KIRREL3: variants seen among roughly 807,000 people sequenced by gnomAD.
The protein encoded by KIRREL3 is kin of IRRE-like protein 3.
In KIRREL3, 36 loss-of-function variants were observed where a neutral mutation model predicts 89.7. That is an observed-to-expected ratio of 0.40 (90% CI 0.31 to 0.53). The LOEUF is 0.53. Ranked by LOEUF, KIRREL3 falls within the 20% of genes least tolerant of loss-of-function variation. The probability of loss-of-function intolerance (pLI) is 0.49; values close to 1 mark genes in which losing one functional copy is unlikely to be tolerated. For missense variants in KIRREL3, 864 were observed against 1,056.6 expected (o/e 0.82, Z 2.53); for synonymous variants, 445 against 441.4 (o/e 1.01, Z -0.10).
intron 1 of KIRREL3, among the ~76,000 whole-genome samples, chr11:126,911,448 G>C (rs1784338): frequency 0.85 from 129,132 of 152,202 alleles, 55,251 homozygotes; most frequent in Middle Eastern, 0.96. Context: ...GACAGAGCAG[G>C]ACTCTAGAAT....
chr11:126,623,297 A>G lies in KIRREL3; in HGVS notation c.56-60385T>C, dbSNP rs1943647274. 6.6e-6 allele frequency among the ~76,000 whole-genome samples: 1 copy of G among 152,164 alleles called. No homozygotes were observed. The highest frequency in any genetic ancestry group is 1.5e-5 in the Non-Finnish European group (1 of 68,028). On this transcript the variant is annotated intron_variant, in intron 1 of 16. Coordinates refer to ENST00000525144, the MANE Select transcript of KIRREL3 (RefSeq NM_032531.4). The surrounding 1 kb of genome is among the most constrained non-coding windows in gnomAD (Gnocchi z 4.1). ...ACATAAACAGACTGCCTCCCTGGAA[A>G]CCAGGCCTGTCCTTGGTGGTGTATG...
At chr11:126,944,699 T>A (rs1170205516) in intron 1 of KIRREL3, among the ~76,000 whole-genome samples, 1 of 152,136 alleles carries the variant, frequency 6.6e-6, no homozygotes, top group East Asian at 1.9e-4. Flanking sequence ...CACCCACACC[T>A]GCAAACCTGG....
intron 1 of KIRREL3, among the ~76,000 whole-genome samples, chr11:126,895,603 C>A (rs983879204): frequency 9.2e-5 from 14 of 152,130 alleles, no homozygotes; most frequent in Non-Finnish European, 1.6e-4. Flanking sequence ...TTTAAGGGAA[C>A]TGAAGGCCAG....
intron 1 of KIRREL3, among the ~76,000 whole-genome samples, chr11:126,654,193 G>A (rs868644744): frequency 2.6e-5 from 4 of 152,128 alleles, no homozygotes; most frequent in Non-Finnish European, 4.4e-5. Context: ...GACAGGTGGC[G>A]GGGAAGACCT....
Position 126,704,873 on chromosome 11 carries a change from A to G in KIRREL3, c.56-141961T>C, listed in dbSNP as rs1224820844. ...TAGGCCATCACCCAAGGGAAGCAGT[A>G]TTCTCCTCCTGCGACCATGCCATGG... On this transcript the variant is annotated intron_variant, in intron 1 of 16. Transcript: ENST00000525144. This position sits in a 1 kb window ranked among gnomAD's most constrained non-coding sequence, Gnocchi z 4.2. 6.6e-6 allele frequency among the ~76,000 whole-genome samples: 1 copy of G among 152,178 alleles called. No homozygotes were observed. Among genetic ancestry groups the G allele is most frequent in the African/African-American group, 2.4e-5 (1 of 41,452 alleles).
intron 1 of KIRREL3, among the ~76,000 whole-genome samples, chr11:126,840,635 G>A (rs1249149356): frequency 2.6e-5 from 4 of 152,124 alleles, no homozygotes; most frequent in African/African-American, 7.2e-5. Context: ...GTTTTAAATC[G>A]CATGCCATTC....
rs1403519707 is a variant in KIRREL3, at chr11:126,677,056, T to G, written c.56-114144A>C. On this transcript the variant is annotated intron_variant, in intron 1 of 16. Coordinates refer to ENST00000525144, the MANE Select transcript of KIRREL3 (RefSeq NM_032531.4). This position sits in a 1 kb window ranked among gnomAD's most constrained non-coding sequence, Gnocchi z 5.1. ...TCCCGCCTTGGCCTCTCAAAGATTTTTTTTTTTTAACAGCTGTATTGAGAT... is the reference window on the plus strand; with the variant it reads ...TCCCGCCTTGGCCTCTCAAAGATTTGTTTTTTTTAACAGCTGTATTGAGAT... Among the ~76,000 whole-genome samples, 3 of 152,130 alleles carry G rather than the reference T, an allele frequency of 2.0e-5. No individual in the cohort carries two copies. Among genetic ancestry groups the G allele is most frequent in the African/African-American group, 7.2e-5 (3 of 41,412 alleles).
intron 1 of KIRREL3, among the ~76,000 whole-genome samples, chr11:126,956,989 A>AT (rs1326874426): frequency 6.6e-6 from 1 of 152,192 alleles, no homozygotes; most frequent in African/African-American, 2.4e-5. Context: ...TCTGCTTCAC[A>AT]TGCACGCGAT....
chr11:126,560,756 T>A (rs890912648), intron 2 of KIRREL3, among the ~76,000 whole-genome samples: 1 of 152,230 alleles, frequency 6.6e-6, no homozygotes, highest in Non-Finnish European at 1.5e-5. Context: ...GGAAATACAA[T>A]GATCATCAAC....
intron 1 of KIRREL3, among the ~76,000 whole-genome samples, chr11:126,859,720 A>G (rs1274257759): frequency 6.6e-6 from 1 of 152,238 alleles, no homozygotes; most frequent in Admixed American, 6.5e-5. Flanking sequence ...GTTTCTCCCC[A>G]AGGTTTCTTC....
At chr11:126,986,283 T>G (rs1259707017) in intron 1 of KIRREL3, among the ~76,000 whole-genome samples, 2 of 152,114 alleles carry the variant, frequency 1.3e-5, no homozygotes, top group Non-Finnish European at 1.5e-5. Context: ...AAAAATAAAA[T>G]GACAATAAGC....
chr11:126,440,430 C>T lies in KIRREL3; in HGVS notation c.1353+19G>A, dbSNP rs1389894771. The stretch of plus-strand genomic sequence containing the variant: ...GGGCTGCTGGCCCGGCCCCCGCCCG[C>T]CGTCCCTGGAGCACTCACGATGCGG... On this transcript the variant is annotated intron_variant, in intron 11 of 16. Coordinates refer to ENST00000525144, the MANE Select transcript of KIRREL3 (RefSeq NM_032531.4). The T allele has an allele frequency of 3.2e-6, 5 of 1,553,362 alleles. No individual in the cohort carries two copies. Among genetic ancestry groups the T allele is most frequent in the Non-Finnish European group, 4.3e-6 (5 of 1,149,424 alleles).
At chr11:126,730,207 C>T (rs548861097) in intron 1 of KIRREL3, among the ~76,000 whole-genome samples, 11 of 152,320 alleles carry the variant, frequency 7.2e-5, no homozygotes, top group Admixed American at 5.2e-4. Context: ...CTCTCAGCCC[C>T]GCAGAACCCA....
intron 1 of KIRREL3, among the ~76,000 whole-genome samples, chr11:126,572,592 G>A (rs1276051911): frequency 6.6e-6 from 1 of 151,908 alleles, no homozygotes; most frequent in Non-Finnish European, 1.5e-5. Flanking sequence ...CGCCAAGCAG[G>A]TGCTGCTGAT....
rs1029767449 is a variant in KIRREL3 at position 126,997,335 on chromosome 11, C to T, written c.55+3120G>A. ...TATCCCTCTCTGAACAAAGCATGAC[C>T]GTCCTGACAGCTGAGGGAAGAGGCA... is the stretch of plus-strand genomic sequence containing the variant. On this transcript the variant is annotated intron_variant, in intron 1 of 16. Coordinates refer to ENST00000525144, the MANE Select transcript of KIRREL3 (RefSeq NM_032531.4). The surrounding 1 kb of genome is among the most constrained non-coding windows in gnomAD (Gnocchi z 4.3). Among the ~76,000 whole-genome samples the T allele has an allele frequency of 2.0e-5, 3 of 152,126 alleles. No individual in the cohort carries two copies. The highest frequency in any genetic ancestry group is 7.2e-5 in the African/African-American group (3 of 41,414).
rs1943662062 is a variant in KIRREL3, at chr11:126,623,633, G to A, written c.56-60721C>T. On this transcript the variant is annotated intron_variant, in intron 1 of 16. Coordinates refer to ENST00000525144, the MANE Select transcript of KIRREL3 (RefSeq NM_032531.4). This position sits in a 1 kb window ranked among gnomAD's most constrained non-coding sequence, Gnocchi z 4.1. ...TGATGGGCCAGCAAGGATGCGGGGA[G>A]GATACCTGTGGTCAGGACCAGGTTG... Among the ~76,000 whole-genome samples the A allele has an allele frequency of 6.6e-6, 1 of 152,068 alleles. No individual in the cohort carries two copies. The highest frequency in any genetic ancestry group is 1.5e-5 in the Non-Finnish European group (1 of 68,018).
chr11:126,916,649 A>C (rs941399261), intron 1 of KIRREL3, among the ~76,000 whole-genome samples: 2 of 152,158 alleles, frequency 1.3e-5, no homozygotes, highest in Non-Finnish European at 2.9e-5. Context: ...AACAAACAAA[A>C]AACCTGCTAA....
Position 126,550,190 on chromosome 11 carries a change from G to A in KIRREL3, c.133+12645C>T, listed in dbSNP as rs542829304. 6.6e-6 allele frequency: 1 copy of A among 152,244 alleles called. No individual in the cohort carries two copies. Among genetic ancestry groups the A allele is most frequent in the Non-Finnish European group, 1.5e-5 (1 of 68,058 alleles). 9.4% of individuals were successfully genotyped at this position (152,244 alleles called of 1,614,324 possible). ...GGACACATGGTTGGTGAATAAATGA[G>A]CATTCCGCCGTGTTCACAGTCTTTA... On this transcript the variant is annotated intron_variant, in intron 2 of 16. Coordinates refer to ENST00000525144, the MANE Select transcript of KIRREL3 (RefSeq NM_032531.4). This position sits in a 1 kb window ranked among gnomAD's most constrained non-coding sequence, Gnocchi z 4.9.
At chr11:126,777,871 G>A (rs768272916) in intron 1 of KIRREL3, among the ~76,000 whole-genome samples, 38 of 152,126 alleles carry the variant, frequency 2.5e-4, no homozygotes, top group South Asian at 1.0e-3. Context: ...TTGAATCATC[G>A]TTGTATACCT....
Sources: allele counts gnomAD v4.1 joint callset (sites outside exome capture counted in the v4.1 genomes callset), GRCh38; gene constraint gnomAD v4.1.1; non-coding constraint Gnocchi (gnomAD v3.1); transcripts MANE v1.5; gene names NCBI Gene and HGNC (gene_info 2026-07-23, HGNC 2026-07-21).